Variants in ZNF609 observed in about 807,000 individuals in gnomAD.
ZNF609 encodes the protein zinc finger protein 609.
Under a neutral mutation model 109.5 loss-of-function variants are expected in ZNF609, and 11 were observed. That is an observed-to-expected ratio of 0.10 (90% CI 0.06 to 0.17). ZNF609 has a LOEUF of 0.17. Among genes scored for constraint, ZNF609 ranks in the 10% least tolerant of loss-of-function variants. The pLI is 1.00. For missense variants in ZNF609, 1,559 were observed against 1,772.4 expected, an observed-to-expected ratio of 0.88 and a Z score of 2.16; for synonymous variants, 646 against 662.0, an observed-to-expected ratio of 0.98 and a Z score of 0.37.
At position 64,680,719 on chromosome 15, in the gene ZNF609, G is replaced by C; in HGVS notation, c.4019G>C (p.Ser1340Thr). 6.2e-7 allele frequency: 1 copy of C among 1,613,242 alleles called. No individual in the cohort carries two copies. The change falls in exon 8 of 10, where the codon AGC becomes ACC. Residue 1340 changes from serine (S) to threonine (T), a missense_variant. Coordinates refer to ENST00000326648, the MANE Select transcript of ZNF609 (RefSeq NM_015042.2). ...GVVGGGGSCS[S>T]VGGASGGERS... is the part of the protein sequence containing the mutation. ...GTTGGGGGTGGTGGCAGCTGTAGCA[G>C]CGTCGGGGGAGCAAGTGGGGGTGAA... is the stretch of plus-strand genomic sequence containing the variant.
At position 64,635,200 on chromosome 15, in the gene ZNF609, AT is replaced by A. The variant is rs570145276; in HGVS notation, c.973+12149del. On this transcript the variant is annotated intron_variant, in intron 3 of 9. Coordinates refer to ENST00000326648, the MANE Select transcript of ZNF609 (RefSeq NM_015042.2). ...GGTGACTAGGCTGTGAGCTTGCCAGATAGGTAAGGTTGTTTGCAAATGAGAT... is the reference window on the plus strand; with the variant it reads ...GGTGACTAGGCTGTGAGCTTGCCAGAAGGTAAGGTTGTTTGCAAATGAGAT... Among the ~76,000 whole-genome samples, 642 of 152,324 alleles carry A rather than the reference AT, an allele frequency of 4.2e-3. 9 individuals are homozygous for A. The highest frequency in any genetic ancestry group is 0.015 in the African/African-American group (610 of 41,564).
chr15:64,543,947 G>A (rs189997014), intron 2 of ZNF609, among the ~76,000 whole-genome samples: 50 of 152,164 alleles, frequency 3.3e-4, no homozygotes, highest in Admixed American at 2.7e-3. Flanking sequence ...TAGGCTACAC[G>A]TTACTTAGCA....
At chr15:64,622,761 C>T in intron 2 of ZNF609, 66 bp from the exon 3 acceptor site, 2 of 1,367,536 alleles carry the variant, frequency 1.5e-6, no homozygotes, top group Non-Finnish European at 2.1e-6. Context: ...AGATTAAATA[C>T]AGAAAAGGTA....
At chr15:64,663,743 T>G (rs1314230447) in intron 3 of ZNF609, among the ~76,000 whole-genome samples, 3 of 152,102 alleles carry the variant, frequency 2.0e-5, no homozygotes, top group Admixed American at 2.0e-4. Context: ...AGGTACCAGA[T>G]CCCTGAGAGA....
At chr15:64,587,188 C>T (rs920395569) in intron 2 of ZNF609, among the ~76,000 whole-genome samples, 1 of 152,126 alleles carries the variant, frequency 6.6e-6, no homozygotes, top group Non-Finnish European at 1.5e-5. Context: ...AATAGCAGCT[C>T]ATTGTTCTCT....
At chr15:64,611,886 C>T (rs558244934) in intron 2 of ZNF609, among the ~76,000 whole-genome samples, 2 of 151,896 alleles carry the variant, frequency 1.3e-5, no homozygotes, top group Admixed American at 1.3e-4. Flanking sequence ...GCTCCCGCCA[C>T]CATGCCCGGC....
chr15:64,493,908 G>A (rs1485574651), intron 1 of ZNF609, among the ~76,000 whole-genome samples: 1 of 152,214 alleles, frequency 6.6e-6, no homozygotes, highest in Non-Finnish European at 1.5e-5. Flanking sequence ...TAAAGCCAGG[G>A]ATGCTGTAGG....
At chr15:64,635,394 A>G (rs1484260373) in intron 3 of ZNF609, among the ~76,000 whole-genome samples, 2 of 152,220 alleles carry the variant, frequency 1.3e-5, no homozygotes, top group Non-Finnish European at 2.9e-5. Flanking sequence ...TTCAAAGGGG[A>G]AAAAGTCCTA....
At chr15:64,568,786 G>T (rs79939025) in intron 2 of ZNF609, among the ~76,000 whole-genome samples, 18,691 of 152,116 alleles carry the variant, frequency 0.12, 1,791 homozygotes, top group African/African-American at 0.27. Flanking sequence ...CCATTCATAA[G>T]GATGAATAAG....
At chr15:64,538,382 G>C (rs1894189384) in intron 2 of ZNF609, among the ~76,000 whole-genome samples, 1 of 152,152 alleles carries the variant, frequency 6.6e-6, no homozygotes, top group East Asian at 1.9e-4. Flanking sequence ...TAAAATGTTT[G>C]AGGCTTTTGC....
At chr15:64,527,322 T>TC (rs1893981775) in intron 2 of ZNF609, among the ~76,000 whole-genome samples, 1 of 150,446 alleles carries the variant, frequency 6.6e-6, no homozygotes, top group Non-Finnish European at 1.5e-5. Flanking sequence ...TTTTTTTTTT[T>TC]CTTCTGTAAA....
Position 64,594,837 on chromosome 15 carries a change from T to A in ZNF609, c.748-27990T>A, listed in dbSNP as rs1453304662. Among the ~76,000 whole-genome samples the A allele has an allele frequency of 4.8e-5, 7 of 147,094 alleles. No homozygotes were observed. The East Asian group carries it at 1.3e-3, about 27-fold the overall frequency. On this transcript the variant is annotated intron_variant, in intron 2 of 9. Coordinates refer to ENST00000326648, the MANE Select transcript of ZNF609 (RefSeq NM_015042.2). ...GTCAGGAGATCGAGACCATCCTGGC[T>A]AACAAGGTGAAACCTCGTCTCTACT...
At chr15:64,619,570 C>G (rs1895848267) in intron 2 of ZNF609, among the ~76,000 whole-genome samples, 1 of 152,132 alleles carries the variant, frequency 6.6e-6, no homozygotes, top group African/African-American at 2.4e-5. Context: ...TAGTTCAAAC[C>G]CATAGGTGGA....
At position 64,629,122 on chromosome 15, in the gene ZNF609, C is replaced by G. The variant is rs189640931; in HGVS notation, c.973+6070C>G. 2.4e-3 allele frequency among the ~76,000 whole-genome samples: 367 copies of G among 152,238 alleles called. 2 individuals carry two copies. Among genetic ancestry groups the G allele is most frequent in the Admixed American group, 3.9e-3 (59 of 15,292 alleles). The stretch of plus-strand genomic sequence containing the variant: ...TCATTTCTCTTTATAACTGGTTATT[C>G]TCTCTATTTTGTGCCAGTCTCTCTT... On this transcript the variant is annotated intron_variant, in intron 3 of 9. Coordinates refer to ENST00000326648, the MANE Select transcript of ZNF609 (RefSeq NM_015042.2).
intron 2 of ZNF609, among the ~76,000 whole-genome samples, chr15:64,589,544 C>T (rs1258639343): frequency 6.6e-6 from 1 of 152,110 alleles, no homozygotes; most frequent in Non-Finnish European, 1.5e-5. Flanking sequence ...AATAACTTGC[C>T]TAAAGTTGCA....
Position 64,610,330 on chromosome 15 carries a change from A to G in ZNF609, c.748-12497A>G, listed in dbSNP as rs78572409. ...CCTACTCAAACAGAGTGGAGTAGAA[A>G]AGAGTAGAGGGTGGGAGGAAAGAGA... On this transcript the variant is annotated intron_variant, in intron 2 of 9. Transcript: ENST00000326648. 3.8e-3 allele frequency among the ~76,000 whole-genome samples: 572 copies of G among 152,254 alleles called. 7 individuals carry two copies. Among genetic ancestry groups the G allele is most frequent in the African/African-American group, 0.013 (549 of 41,526 alleles).
At chr15:64,562,175 T>G (rs571672503) in intron 2 of ZNF609, among the ~76,000 whole-genome samples, 1 of 152,374 alleles carries the variant, frequency 6.6e-6, no homozygotes, top group Non-Finnish European at 1.5e-5. Context: ...AGTACAAGCC[T>G]ATTTCTCAGT....
chr15:64,579,855 A>C (rs1020156980), intron 2 of ZNF609, among the ~76,000 whole-genome samples: 9 of 152,250 alleles, frequency 5.9e-5, no homozygotes, highest in African/African-American at 2.2e-4. Flanking sequence ...TATGAGAAAA[A>C]AGTTATAAAT....
chr15:64,615,215 T>C (rs1021550123), intron 2 of ZNF609, among the ~76,000 whole-genome samples: 6 of 152,088 alleles, frequency 3.9e-5, no homozygotes, highest in African/African-American at 1.2e-4. Context: ...AGCCTCAACC[T>C]TCTGGTTGCA....
Sources: allele counts gnomAD v4.1 joint callset (sites outside exome capture counted in the v4.1 genomes callset), GRCh38; gene constraint gnomAD v4.1.1; transcripts MANE v1.5; gene names NCBI Gene and HGNC (gene_info 2026-07-23, HGNC 2026-07-21).